The following FRY variants were observed in gnomAD, a reference collection of about 807,000 sequenced individuals.
FRY encodes the protein FRY microtubule binding protein, also known as protein furry homolog.
FRY carries 128 observed loss-of-function variants against 348.4 expected under a neutral mutation model. The observed-to-expected ratio is 0.37, with a 90% CI of 0.32 to 0.43. The LOEUF (loss-of-function observed/expected upper bound fraction) is 0.43. FRY is among the 20% of genes least tolerant of loss of function. The pLI is 1.00. For synonymous variants in FRY, 1,370 were observed against 1,374.7 expected, an observed-to-expected ratio of 1.00 and a Z score of 0.08; for missense variants, 2,736 against 3,695.2, an observed-to-expected ratio of 0.74 and a Z score of 6.73.
intron 55 of FRY, among the ~76,000 whole-genome samples, chr13:32,268,894 T>A (rs1279046955): frequency 6.6e-6 from 1 of 152,176 alleles, no homozygotes; most frequent in Non-Finnish European, 1.5e-5. Flanking sequence ...AGCATATTTT[T>A]AATAACTCAT....
At chr13:32,220,340 A>T (rs888779555) in intron 36 of FRY, among the ~76,000 whole-genome samples, 2 of 152,218 alleles carry the variant, frequency 1.3e-5, no homozygotes, top group Non-Finnish European at 2.9e-5. Context: ...GCGTGTCTAG[A>T]ATCCATATGT....
intron 28 of FRY, 36 bp downstream of exon 28, chr13:32,187,692 C>G (rs1315587226): frequency 2.7e-6 from 3 of 1,117,210 alleles, no homozygotes; most frequent in Admixed American, 1.7e-5. Flanking sequence ...TTTTGAATGT[C>G]TTCTGTGTTC....
At position 32,157,292 on chromosome 13, in the gene FRY, T is replaced by G. The variant is rs866896367; in HGVS notation, c.1671T>G (p.Ser557=). 6 of 1,612,702 alleles carry G rather than the reference T, an allele frequency of 3.7e-6. No homozygotes were observed. The highest frequency in any genetic ancestry group is 1.7e-4 in the Middle Eastern group (1 of 6,048). The change falls in exon 16 of 61, where the codon TCT becomes TCG. Residue 557 remains serine, a synonymous_variant. Coordinates refer to ENST00000542859, the MANE Select transcript of FRY (RefSeq NM_023037.3). ...TTTCAGGCATGTCCTTATATTACTCTCAAGTACGAAAAGCTGTAGACAACA... is the reference window on the plus strand; with the variant it reads ...TTTCAGGCATGTCCTTATATTACTCGCAAGTACGAAAAGCTGTAGACAACA... ...AKMIGMSLYY[S]QVRKAVDNIL...
intron 53 of FRY, among the ~76,000 whole-genome samples, chr13:32,264,996 T>C (rs551296618): frequency 6.6e-6 from 1 of 152,346 alleles, no homozygotes; most frequent in South Asian, 2.1e-4. Context: ...TTTAGAAGGC[T>C]GGGTTTGGAC....
At chr13:32,121,471 G>A (rs543281372) in intron 4 of FRY, among the ~76,000 whole-genome samples, 1 of 152,034 alleles carries the variant, frequency 6.6e-6, no homozygotes, top group South Asian at 2.1e-4. Context: ...TTTTATGGCC[G>A]TTCTTGCAGG....
rs759676592 is a variant in FRY, at chr13:32,295,353, C to A, written c.8935C>A (p.Leu2979Met). The A allele has an allele frequency of 3.7e-6, 6 of 1,613,746 alleles. No individual in the cohort carries two copies. The highest frequency in any genetic ancestry group is 5.1e-6 in the Non-Finnish European group (6 of 1,179,924). ...NQSLTEICTK[L>M]MELNMEIRDM... ...GAGCCTGACCGAGATCTGCACCAAG[C>A]TGATGGAGCTGAACATGGAGATCCG... The change falls in exon 61 of 61, where the codon CTG becomes ATG. Residue 2979 changes from leucine to methionine, a missense_variant. Leu to Met is a conservative substitution (Grantham distance 15). Around this residue, in one of 9 missense-constraint regions of FRY, gnomAD observed 157 missense variants for 215.2 expected, o/e 0.73. Transcript: ENST00000542859.
At chr13:32,208,489 A>G (rs1231184275) in intron 31 of FRY, among the ~76,000 whole-genome samples, 1 of 152,258 alleles carries the variant, frequency 6.6e-6, no homozygotes, top group Non-Finnish European at 1.5e-5. Flanking sequence ...GCCCAGAGTC[A>G]CATGCCACTA....
At chr13:32,227,005 A>T (rs963631114) in intron 39 of FRY, among the ~76,000 whole-genome samples, 1 of 152,252 alleles carries the variant, frequency 6.6e-6, no homozygotes, top group African/African-American at 2.4e-5. Context: ...TCCTGAGGAT[A>T]AGAATGTACT....
Position 32,124,300 on chromosome 13 carries a change from G to T in FRY, c.479G>T (p.Arg160Leu), listed in dbSNP as rs372366829. 2.5e-6 allele frequency: 4 copies of T among 1,592,464 alleles called. No homozygotes were observed. The highest frequency in any genetic ancestry group is 3.4e-6 in the Non-Finnish European group (4 of 1,160,508). Residue 160 changes from arginine to leucine, a missense_variant, in exon 5 of 61, where the codon CGA (arginine) becomes CTA (leucine). Coordinates refer to ENST00000542859, the MANE Select transcript of FRY (RefSeq NM_023037.3). ...AAATTTTACAGCGATGAACAACAGC[G>T]AGATTATTTAATGGAAAGACGGGAC... Reference protein sequence around the residue: ...SNKSKSDEQQRDYLMERRDLA... With the variant: ...SNKSKSDEQQLDYLMERRDLA...
At chr13:32,058,251 G>A (rs535530944) in intron 1 of FRY, among the ~76,000 whole-genome samples, 11 of 152,122 alleles carry the variant, frequency 7.2e-5, no homozygotes, top group Non-Finnish European at 1.3e-4. Flanking sequence ...AATCATGAAG[G>A]TTAGCCCTGG....
At chr13:32,172,865 T>C (rs1402944833) in intron 18 of FRY, among the ~76,000 whole-genome samples, 3 of 152,220 alleles carry the variant, frequency 2.0e-5, no homozygotes, top group Admixed American at 6.5e-5. Context: ...GCTTTTACTT[T>C]AGATTCACTT....
intron 1 of FRY, among the ~76,000 whole-genome samples, chr13:32,062,330 TGACCGTTAGTGTATTTTGGCTGAACA>T (rs1869053443): frequency 6.6e-6 from 1 of 152,156 alleles, no homozygotes; most frequent in African/African-American, 2.4e-5. Flanking sequence ...AGGATGTTAC[TGACCGTTAGTGTATTTTGGCTGAACA>T]GACCACTCCC....
At chr13:32,037,648 T>C (rs2138349947) in intron 1 of FRY, among the ~76,000 whole-genome samples, 1 of 152,352 alleles carries the variant, frequency 6.6e-6, no homozygotes, top group African/African-American at 2.4e-5. Context: ...AATTTTACAA[T>C]CTGAGAACAG....
rs147648961 is a variant in FRY at position 32,178,139 on chromosome 13, T to G, written c.2422-38T>G. On this transcript the variant is annotated intron_variant, in intron 20 of 60. Transcript: ENST00000542859. ...CCTTGATGAGGATGGATAACTTCAG[T>G]TCGGGTTTAACTTACAACCTACCTC... 1.8e-4 allele frequency: 286 copies of G among 1,612,256 alleles called. 5 individuals are homozygous for G. In the East Asian group the frequency reaches 6.2e-3, roughly 35 times the overall value.
At chr13:32,149,468 G>T (rs990233317) in intron 13 of FRY, among the ~76,000 whole-genome samples, 2 of 7,320 alleles carry the variant, frequency 2.7e-4, no homozygotes, top group African/African-American at 6.2e-3. Flanking sequence ...TTGATTTGTG[G>T]GGGGGGGTCT....
chr13:32,294,481 C>A lies in FRY; in HGVS notation c.8694C>A (p.Phe2898Leu). The A allele has an allele frequency of 1.9e-6, 3 of 1,611,392 alleles. No homozygotes were observed. The highest frequency in any genetic ancestry group is 3.3e-5 in the Admixed American group (2 of 59,816). The change falls in exon 60 of 61, where the codon TTC (phenylalanine) becomes TTA (leucine). Residue 2898 changes from phenylalanine (F) to leucine (L), a missense_variant. Physicochemically the swap from Phe to Leu is conservative, Grantham distance 22 (BLOSUM62 0). Transcript: ENST00000542859. ...ACGGCGCGTGGTCCGAGCCCACCTT[C>A]ACGTCCACTGAAGCAGCCATCCAGT... ...YSDGAWSEPT[F>L]TSTEAAIQSM...
rs761702232 is a variant in FRY, at chr13:32,234,755, G to A, written c.5709G>A (p.Glu1903=). The A allele has an allele frequency of 1.2e-6, 2 of 1,613,760 alleles. No homozygotes were observed. Among genetic ancestry groups the A allele is most frequent in the Non-Finnish European group, 1.7e-6 (2 of 1,179,646 alleles). ...AGGTGATAGGAGAACATGGAGATGA[G>A]ATTCAGGTATGGAAGGGAAGACCAC... ...LVEVIGEHGD[E]IQGYVMEALL... The change falls in exon 42 of 61, where the codon GAG becomes GAA. Residue 1903 remains glutamate, a synonymous_variant. Transcript: ENST00000542859.
chr13:32,258,594 C>CTCTGTCTCAA (rs1887459363), intron 51 of FRY, among the ~76,000 whole-genome samples: 3 of 145,376 alleles, frequency 2.1e-5, no homozygotes, highest in Non-Finnish European at 4.5e-5. Context: ...GCCTGGGTAA[C>CTCTGTCTCAA]AGAGCAAGAC....
intron 55 of FRY, among the ~76,000 whole-genome samples, chr13:32,268,505 A>AATATATATATAT (rs869298149): frequency 2.1e-3 from 58 of 28,158 alleles, no homozygotes; most frequent in Admixed American, 6.5e-3. Flanking sequence ...AAAAAAAAAA[A>AATATATATATAT]ATATATATAT....
Sources: allele counts gnomAD v4.1 joint callset (sites outside exome capture counted in the v4.1 genomes callset), GRCh38; gene constraint gnomAD v4.1.1; regional missense constraint gnomAD v4.1.1; transcripts MANE v1.5; gene names NCBI Gene and HGNC (gene_info 2026-07-23, HGNC 2026-07-21).